Variants in OTUD7B observed in about 807,000 individuals in gnomAD.
OTUD7B encodes the protein OTU domain-containing protein 7B.
OTUD7B carries 34 observed loss-of-function variants against 82.2 expected under a neutral mutation model. The ratio of observed to expected loss-of-function variants is 0.41; its 90% CI spans 0.31 to 0.55. The LOEUF is 0.55. Ranked by LOEUF, OTUD7B falls within the 20% of genes least tolerant of loss-of-function variation. OTUD7B has a pLI of 0.20. For synonymous variants in OTUD7B, 398 were observed against 402.7 expected, an observed-to-expected ratio of 0.99 and a Z score of 0.14; for missense variants, 944 against 1,062.1, an observed-to-expected ratio of 0.89 and a Z score of 1.55.
chr1:149,982,556 C>T (rs1553779955), intron 1 of OTUD7B, among the ~76,000 whole-genome samples: 2 of 151,614 alleles, frequency 1.3e-5, no homozygotes, highest in African/African-American at 4.8e-5. Flanking sequence ...ACCCCCCAGG[C>T]TCAGGCAGTC....
chr1:149,991,019 A>G (rs1418182575), intron 1 of OTUD7B, among the ~76,000 whole-genome samples: 3 of 152,152 alleles, frequency 2.0e-5, no homozygotes, highest in Non-Finnish European at 4.4e-5. Flanking sequence ...CAAAGCTTAA[A>G]TGATACCCAG....
the OTUD7B span, chr1:150,055,145 C>A: frequency 6.6e-6 from 1 of 151,510 alleles, no homozygotes; most frequent in Non-Finnish European, 1.5e-5. Flanking sequence ...TCACGCCATT[C>A]TCCTGCCTCA....
chr1:150,001,165 A>G (rs1652259294), intron 1 of OTUD7B, among the ~76,000 whole-genome samples: 1 of 152,178 alleles, frequency 6.6e-6, no homozygotes, highest in Non-Finnish European at 1.5e-5. Flanking sequence ...AGGGAGTAAG[A>G]CATCTAACAA....
the OTUD7B span, chr1:150,055,175 C>G: frequency 6.5e-6 from 1 of 152,758 alleles, no homozygotes; most frequent in Non-Finnish European, 1.5e-5. Flanking sequence ...GTAGCTGGGA[C>G]TACAGGCGCC....
chr1:149,948,983 A>T lies in OTUD7B; in HGVS notation c.1224T>A (p.Asn408Lys), dbSNP rs370899293. Residue 408 changes from asparagine (N) to lysine (K), a missense_variant, in exon 10 of 12, where the codon AAT (asparagine) becomes AAA (lysine). By Grantham distance (94) the Asn-to-Lys change is moderately conservative (BLOSUM62 0). Transcript: ENST00000581312. Reference protein sequence around the residue: ...GWEWGKDDSDNVRLASVILSL... With the variant: ...GWEWGKDDSDKVRLASVILSL... Reference sequence around the variant, plus strand: ...GCCTGGCTTACCTGGCCAATCGGACATTGTCACTATCATCTTTGCCCCACT... The same window carrying T: ...GCCTGGCTTACCTGGCCAATCGGACTTTGTCACTATCATCTTTGCCCCACT... 6.2e-7 allele frequency: 1 copy of T among 1,611,386 alleles called. No homozygotes were observed. The highest frequency in any genetic ancestry group is 2.2e-5 in the East Asian group (1 of 44,872).
At chr1:149,957,592 A>C (rs1038193124) in intron 7 of OTUD7B, among the ~76,000 whole-genome samples, 4 of 152,222 alleles carry the variant, frequency 2.6e-5, no homozygotes, top group Admixed American at 2.6e-4. Context: ...AGTCTGCAGA[A>C]GTTCCTGCTA....
the OTUD7B span, among the ~76,000 whole-genome samples, chr1:150,039,386 A>ACT: frequency 1.3e-5 from 1 of 78,900 alleles, no homozygotes; most frequent in Non-Finnish European, 4.5e-5. Flanking sequence ...TTAAAAAAAA[A>ACT]ATTTTTTTTG....
At chr1:150,057,760 G>A in the OTUD7B span, among the ~76,000 whole-genome samples, 3 of 152,282 alleles carry the variant, frequency 2.0e-5, no homozygotes, top group African/African-American at 7.2e-5. Context: ...CAGTGAAACA[G>A]CATTCTGTTA....
chr1:149,979,523 C>T (rs1650569696), intron 1 of OTUD7B, among the ~76,000 whole-genome samples: 1 of 152,128 alleles, frequency 6.6e-6, no homozygotes, highest in African/African-American at 2.4e-5. Flanking sequence ...TTCACTATAG[C>T]CTCATGATCT....
chr1:150,002,890 A>C (rs1652386891), intron 1 of OTUD7B, among the ~76,000 whole-genome samples: 1 of 152,178 alleles, frequency 6.6e-6, no homozygotes, highest in African/African-American at 2.4e-5. Context: ...TCCACCCTAC[A>C]CACCACTGAC....
chr1:150,045,718 CTAAT>C, the OTUD7B span, among the ~76,000 whole-genome samples: 16 of 152,140 alleles, frequency 1.1e-4, no homozygotes, highest in African/African-American at 3.6e-4. Context: ...CAAAAACAAA[CTAAT>C]TATATATTTT....
At chr1:150,014,768 T>C (rs1292443058), upstream of OTUD7B, among the ~76,000 whole-genome samples, 1 of 152,158 alleles carries the variant, frequency 6.6e-6, no homozygotes, top group African/African-American at 2.4e-5. Context: ...AGAACTGTGG[T>C]TACCTATTAG....
chr1:149,943,873 A>T lies in OTUD7B; in HGVS notation c.2516T>A (p.Leu839Gln). Residue 839 changes from leucine (L) to glutamine (Q), a missense_variant, in exon 12 of 12, where the codon CTG becomes CAG. Coordinates refer to ENST00000581312, the MANE Select transcript of OTUD7B (RefSeq NM_020205.4). ...RREREPDGELLVHRF is the reference protein window; with the variant it reads ...RREREPDGELQVHRF The stretch of plus-strand genomic sequence containing the variant: ...TCCACCCGTTCAGAACCTGTGCACC[A>T]GGAGCTCCCCATCCGGTTCCCGCTC... 6.2e-7 allele frequency: 1 copy of T among 1,614,148 alleles called. No homozygotes were observed. Among genetic ancestry groups the T allele is most frequent in the Non-Finnish European group, 8.5e-7 (1 of 1,180,004 alleles).
chr1:150,049,007 AT>A, the OTUD7B span, among the ~76,000 whole-genome samples: 20 of 150,062 alleles, frequency 1.3e-4, no homozygotes, highest in African/African-American at 4.7e-4. Context: ...TAATTTTTGT[AT>A]TTTTTTTTCA....
the OTUD7B span, among the ~76,000 whole-genome samples, chr1:150,031,159 T>C: frequency 0.15 from 22,460 of 152,222 alleles, 1,827 homozygotes; most frequent in African/African-American, 0.17. Flanking sequence ...ATCTAACGAA[T>C]ATTTGTTAAA....
intron 1 of OTUD7B, among the ~76,000 whole-genome samples, chr1:149,986,446 C>G (rs1553780828): frequency 6.6e-6 from 1 of 152,176 alleles, no homozygotes; most frequent in East Asian, 1.9e-4. Flanking sequence ...AAGTGTCCAA[C>G]TTACTTAATA....
At chr1:149,947,483 T>C (rs1241344224) in intron 10 of OTUD7B, 148 bp from the exon 11 acceptor site, 2 of 550,092 alleles carry the variant, frequency 3.6e-6, no homozygotes, top group East Asian at 6.5e-5. Flanking sequence ...TAATAAGCTT[T>C]ATGACCTTGA....
chr1:150,056,873 A>G, the OTUD7B span, among the ~76,000 whole-genome samples: 2 of 152,216 alleles, frequency 1.3e-5, no homozygotes, highest in Non-Finnish European at 2.9e-5. Flanking sequence ...TGTTGCAGGC[A>G]AGAACCATCA....
the OTUD7B span, among the ~76,000 whole-genome samples, chr1:150,061,059 T>TG: frequency 6.6e-6 from 1 of 152,026 alleles, no homozygotes; most frequent in Non-Finnish European, 1.5e-5. Context: ...AAAAAAATTT[T>TG]TTTTGTTTAA....
Sources: allele counts gnomAD v4.1 joint callset (sites outside exome capture counted in the v4.1 genomes callset), GRCh38; gene constraint gnomAD v4.1.1; transcripts MANE v1.5; gene names NCBI Gene and HGNC (gene_info 2026-07-23, HGNC 2026-07-21).